SCGB2B2: variants seen among roughly 807,000 people sequenced by gnomAD.
SCGB2B2 encodes the protein secretoglobin family 2B member 2.
Under a neutral mutation model 7.6 loss-of-function variants are expected in SCGB2B2, and 11 were observed. The observed-to-expected ratio is 1.45, with a 90% CI of 0.91 to 2.40. SCGB2B2 has a LOEUF of 2.40. SCGB2B2 is among the 30% of genes most tolerant of loss of function. The pLI, the probability that SCGB2B2 is intolerant of heterozygous loss-of-function variation, is 0.00. For missense variants in SCGB2B2, 104 were observed against 115.4 expected (o/e 0.90, Z 0.45); for synonymous variants, 50 against 48.6 (o/e 1.03, Z -0.12).
chr19:34,644,342 G>GT (rs760598920), intron 1 of SCGB2B2, among the ~76,000 whole-genome samples: 17 of 117,946 alleles, frequency 1.4e-4, no homozygotes, highest in South Asian at 1.3e-3. Context: ...CCCCAGCCTT[G>GT]TTTTTTTGTT....
chr19:34,652,447 A>T (rs2067185504), intron 1 of SCGB2B2, among the ~76,000 whole-genome samples: 1 of 151,402 alleles, frequency 6.6e-6, no homozygotes, highest in Admixed American at 6.5e-5. Flanking sequence ...TTCAATGTCA[A>T]GAAGAAAAAC....
intron 1 of SCGB2B2, among the ~76,000 whole-genome samples, chr19:34,629,389 A>G (rs2066466575): frequency 6.6e-6 from 1 of 152,038 alleles, no homozygotes; most frequent in South Asian, 2.1e-4. Flanking sequence ...TCAGCCCAAA[A>G]TCTCCTTAAG....
chr19:34,593,827 GGTGT>G (rs1379933210), intron 3 of SCGB2B2, among the ~76,000 whole-genome samples: 10 of 152,038 alleles, frequency 6.6e-5, no homozygotes, highest in Non-Finnish European at 1.0e-4. Flanking sequence ...GCAGGCATGG[GGTGT>G]GTGTGTTGCT....
At chr19:34,611,444 G>C (rs887323330) in intron 1 of SCGB2B2, among the ~76,000 whole-genome samples, 2 of 151,586 alleles carry the variant, frequency 1.3e-5, no homozygotes, top group Non-Finnish European at 2.9e-5. Context: ...TTTGATGTGA[G>C]TACTTACTAT....
intron 1 of SCGB2B2, among the ~76,000 whole-genome samples, chr19:34,608,271 G>A (rs1206807158): frequency 6.6e-6 from 1 of 151,918 alleles, no homozygotes; most frequent in African/African-American, 2.4e-5. Flanking sequence ...CATTATCAAT[G>A]TATATAAATG....
At chr19:34,664,048 C>T (rs2067542751) in intron 1 of SCGB2B2, among the ~76,000 whole-genome samples, 1 of 151,886 alleles carries the variant, frequency 6.6e-6, no homozygotes, top group Non-Finnish European at 1.5e-5. Context: ...ACCTCCAGCC[C>T]CTATCCAGAA....
At position 34,626,295 on chromosome 19, in the gene SCGB2B2, C is replaced by T. The variant is rs150275373; in HGVS notation, c.-2031-29701G>A. Reference sequence around the variant, plus strand: ...CGAGTTGAGAGAAGAAGGCTTCAGACGATCAAACTACTCTGAACTAAAGGA... The same window carrying T: ...CGAGTTGAGAGAAGAAGGCTTCAGATGATCAAACTACTCTGAACTAAAGGA... On this transcript the variant is annotated intron_variant, in intron 1 of 3. Coordinates refer to ENST00000601241, the MANE Select transcript of SCGB2B2 (RefSeq NM_001025591.4). Among the ~76,000 whole-genome samples the T allele has an allele frequency of 1.3e-3, 192 of 151,926 alleles. 1 individual carries two copies. Among genetic ancestry groups the T allele is most frequent in the African/African-American group, 3.4e-3 (139 of 41,476 alleles).
chr19:34,667,119 G>T (rs1468739279), intron 1 of SCGB2B2, among the ~76,000 whole-genome samples: 2 of 151,954 alleles, frequency 1.3e-5, no homozygotes, highest in African/African-American at 4.8e-5. Context: ...TGAGATCAGG[G>T]ACTCTGTTCC....
At chr19:34,616,918 C>T (rs980612525) in intron 1 of SCGB2B2, among the ~76,000 whole-genome samples, 2 of 152,146 alleles carry the variant, frequency 1.3e-5, no homozygotes, top group Non-Finnish European at 2.9e-5. Context: ...AGCCAGTTTT[C>T]CCAGCACCAT....
intron 1 of SCGB2B2, among the ~76,000 whole-genome samples, chr19:34,663,431 CA>C (rs1284029093): frequency 3.9e-5 from 6 of 151,910 alleles, no homozygotes. Context: ...CAATGTTGAA[CA>C]AAAAAGTAAG....
chr19:34,609,527 T>C (rs1267549846), intron 1 of SCGB2B2, among the ~76,000 whole-genome samples: 1 of 152,126 alleles, frequency 6.6e-6, no homozygotes, highest in African/African-American at 2.4e-5. Flanking sequence ...GTTTCATATT[T>C]TTGGCATATT....
intron 1 of SCGB2B2, among the ~76,000 whole-genome samples, chr19:34,661,917 G>A (rs998409605): frequency 6.6e-6 from 1 of 151,184 alleles, no homozygotes; most frequent in African/African-American, 2.4e-5. Context: ...GTCTTGCTCT[G>A]TCACCAGGCT....
intron 1 of SCGB2B2, among the ~76,000 whole-genome samples, chr19:34,654,935 G>A (rs1233826351): frequency 6.6e-6 from 1 of 151,192 alleles, no homozygotes; most frequent in Non-Finnish European, 1.5e-5. Flanking sequence ...TGTGCAGCAG[G>A]CAGGAAGAAT....
chr19:34,649,238 G>A (rs1261557982), intron 1 of SCGB2B2, among the ~76,000 whole-genome samples: 5 of 152,162 alleles, frequency 3.3e-5, no homozygotes, highest in African/African-American at 9.7e-5. Flanking sequence ...GACACTGTAT[G>A]TAAAAGTTCC....
chr19:34,605,536 A>G (rs756185226), intron 1 of SCGB2B2, among the ~76,000 whole-genome samples: 3 of 152,120 alleles, frequency 2.0e-5, no homozygotes, highest in Non-Finnish European at 4.4e-5. Context: ...TTCTTTCAAT[A>G]ATTTTCTCAT....
At chr19:34,625,264 T>G (rs758944008) in intron 1 of SCGB2B2, among the ~76,000 whole-genome samples, 1 of 152,046 alleles carries the variant, frequency 6.6e-6, no homozygotes, top group Non-Finnish European at 1.5e-5. Context: ...GAGTGTTGGA[T>G]AGTGGGTGCA....
rs35543560 is a variant in SCGB2B2 at position 34,675,881 on chromosome 19, GT to G, written c.-2284del. Reference sequence around the variant, plus strand: ...AGCTCCTAAAGACGGCGTGTCTGGAGTTGTTCGTTCCTCCCAGTGGGTTTGT... The same window carrying G: ...AGCTCCTAAAGACGGCGTGTCTGGAGTGTTCGTTCCTCCCAGTGGGTTTGT... On this transcript the variant is annotated 5_prime_UTR_variant, in exon 1 of 4. Transcript: ENST00000601241. 0.14 allele frequency: 21,299 copies of G among 153,284 alleles called. 1,575 individuals carry two copies. Among genetic ancestry groups the G allele is most frequent in the East Asian group, 0.22 (1,137 of 5,198 alleles). The allele number at this position is 153,284 out of a possible 1,614,324, so 9.5% of individuals were successfully genotyped here. A position where few individuals can be genotyped will look rare whatever the true frequency, so the allele number is the denominator to read the frequency against.
intron 1 of SCGB2B2, among the ~76,000 whole-genome samples, chr19:34,662,164 G>A (rs997984888): frequency 1.3e-5 from 2 of 152,128 alleles, no homozygotes; most frequent in African/African-American, 4.8e-5. Context: ...ACAGGTGTGA[G>A]CCACCGCGCC....
intron 3 of SCGB2B2, 49 bp from the exon 4 acceptor site, chr19:34,593,648 T>C (rs2065358159): frequency 1.4e-6 from 2 of 1,472,032 alleles, no homozygotes; most frequent in African/African-American, 2.8e-5. Context: ...TGTGAAAGGC[T>C]CCCCAGACTC....
Sources: gnomAD v4.1 joint callset for allele counts (sites outside exome capture counted in the v4.1 genomes callset) on GRCh38, gnomAD v4.1.1 for gene constraint, MANE v1.5 for transcripts, NCBI Gene and HGNC (gene_info 2026-07-23, HGNC 2026-07-21) for gene names.